The following ATM variants were observed in gnomAD, a reference collection of about 807,000 sequenced individuals.
ATM encodes serine-protein kinase ATM.
Under a neutral mutation model 387.0 loss-of-function variants are expected in ATM, and 308 were observed. The ratio of observed to expected loss-of-function variants is 0.80; its 90% CI spans 0.73 to 0.87. The LOEUF is 0.87. Ranked by LOEUF, ATM falls within the 40% of genes least tolerant of loss-of-function variation. The pLI is 0.00. For missense variants in ATM, 3,312 were observed against 3,560.9 expected (o/e 0.93, Z 1.78); for synonymous variants, 1,156 against 1,187.3 (o/e 0.97, Z 0.54).
rs1060501631 is a variant in ATM, at chr11:108,317,366, T to A, written c.6199-7T>A. On this transcript the variant is annotated splice_region_variant and splice_polypyrimidine_tract_variant and intron_variant, in intron 42 of 62. Coordinates refer to ENST00000675843, the MANE Select transcript of ATM (RefSeq NM_000051.4). ...CTTAACTTAAAAACAAAATAACTCC[T>A]GTTTAGGCCTTGCAGAATTTGGGAC... The A allele has an allele frequency of 1.2e-6, 2 of 1,610,066 alleles. No homozygotes were observed. Among genetic ancestry groups the A allele is most frequent in the Non-Finnish European group, 8.5e-7 (1 of 1,177,492 alleles).
In ATM at chr11:108,365,577, G is replaced by T. The variant is rs575824754; in HGVS notation, c.*69G>T. 6.6e-7 allele frequency: 1 copy of T among 1,522,912 alleles called. No individual in the cohort carries two copies. The highest frequency in any genetic ancestry group is 1.2e-5 in the South Asian group (1 of 84,256). 94.3% of individuals were successfully genotyped at this position (1,522,912 alleles called of 1,614,324 possible). Reference sequence around the variant, plus strand: ...ATATTTTAGCCTTTATTTTTAACCTGCCAACATACTTTAAGTAGGGATTAA... The same window carrying T: ...ATATTTTAGCCTTTATTTTTAACCTTCCAACATACTTTAAGTAGGGATTAA... On this transcript the variant is annotated 3_prime_UTR_variant, in exon 63 of 63. Coordinates refer to ENST00000675843, the MANE Select transcript of ATM (RefSeq NM_000051.4).
chr11:108,288,086 T>C (rs191075174), intron 27 of ATM, among the ~76,000 whole-genome samples: 10 of 152,240 alleles, frequency 6.6e-5, no homozygotes, highest in Middle Eastern at 3.4e-3. Flanking sequence ...CTTTTTTTTT[T>C]TGAGATGGAG....
chr11:108,336,968 T>C (rs1468588370), intron 56 of ATM, among the ~76,000 whole-genome samples: 1 of 152,246 alleles, frequency 6.6e-6, no homozygotes, highest in East Asian at 1.9e-4. Context: ...TCTCCTTCTA[T>C]AAATGTTGTA....
In ATM at chr11:108,333,979, A is replaced by G. The variant is rs760588708; in HGVS notation, c.8010+11A>G. 6.3e-7 allele frequency: 1 copy of G among 1,583,666 alleles called. No individual in the cohort carries two copies. Among genetic ancestry groups the G allele is most frequent in the Non-Finnish European group, 8.7e-7 (1 of 1,153,274 alleles). On this transcript the variant is annotated intron_variant, in intron 54 of 62. Coordinates refer to ENST00000675843, the MANE Select transcript of ATM (RefSeq NM_000051.4). ...ACTATGGAAATTAAGGTAATTTGCA[A>G]TTAACTCTTGATTTTTTTTAAACTA...
At chr11:108,327,091 G>C (rs1167664211) in intron 47 of ATM, among the ~76,000 whole-genome samples, 1 of 152,108 alleles carries the variant, frequency 6.6e-6, no homozygotes, top group Non-Finnish European at 1.5e-5. Flanking sequence ...TCCTCTGAAA[G>C]TGCTGGGATT....
At chr11:108,269,279 T>A (rs1321365684) in intron 18 of ATM, among the ~76,000 whole-genome samples, 1 of 152,108 alleles carries the variant, frequency 6.6e-6, no homozygotes, top group Non-Finnish European at 1.5e-5. Context: ...TTCTTTTTTT[T>A]ATTTATCATG....
At chr11:108,241,310 A>G (rs929137978) in intron 5 of ATM, among the ~76,000 whole-genome samples, 1 of 152,228 alleles carries the variant, frequency 6.6e-6, no homozygotes, top group Admixed American at 6.5e-5. Flanking sequence ...AAGGAGGAAT[A>G]TAGTATAAAA....
chr11:108,280,724 T>C (rs2082185770), intron 23 of ATM, among the ~76,000 whole-genome samples: 1 of 152,218 alleles, frequency 6.6e-6, no homozygotes, highest in African/African-American at 2.4e-5. Flanking sequence ...TTAGCCAGAA[T>C]GTTATAGATC....
At chr11:108,335,810 C>G (rs2136688657) in intron 55 of ATM, 35 bp from the exon 56 acceptor site, 1 of 1,536,328 alleles carries the variant, frequency 6.5e-7, no homozygotes, top group Non-Finnish European at 9.0e-7. Context: ...ATAAAATAAA[C>G]TGTACTTGTT....
At chr11:108,332,325 G>A (rs535949497) in intron 52 of ATM, among the ~76,000 whole-genome samples, 31 of 152,132 alleles carry the variant, frequency 2.0e-4, no homozygotes, top group African/African-American at 6.7e-4. Context: ...CCAGCTACTC[G>A]GGAGGCTGAG....
intron 43 of ATM, among the ~76,000 whole-genome samples, chr11:108,318,646 A>C (rs1366782535): frequency 6.6e-6 from 1 of 151,900 alleles, no homozygotes; most frequent in African/African-American, 2.4e-5. Flanking sequence ...CCAAGATTGC[A>C]CCACTGCACC....
intron 56 of ATM, chr11:108,336,191 G>A (rs2086834498): frequency 2.3e-6 from 1 of 433,538 alleles, no homozygotes; most frequent in Non-Finnish European, 4.2e-6. Context: ...TAGTCCCTTA[G>A]CTACATGGGA....
At chr11:108,258,852 T>C in intron 15 of ATM, 134 bp from the exon 16 acceptor site, 1 of 692,626 alleles carries the variant, frequency 1.4e-6, no homozygotes, top group Non-Finnish European at 2.5e-6. Flanking sequence ...GATGTGTTTT[T>C]GAAGCAGCAT....
rs876660725 is a variant in ATM, at chr11:108,227,859, A to C, written c.156A>C (p.Gly52=). 6.2e-7 allele frequency: 1 copy of C among 1,613,184 alleles called. No homozygotes were observed. The highest frequency in any genetic ancestry group is 8.5e-7 in the Non-Finnish European group (1 of 1,179,742). The change falls in exon 3 of 63, where the codon GGA becomes GGC. Residue 52 remains glycine (G), a synonymous_variant. Transcript: ENST00000675843. ...HLDRHSDSKQ[G]KYLNWDAVFR... is the part of the protein sequence containing the mutation. ...ATCGGCATTCAGATTCCAAACAAGG[A>C]AAATATTTGAATTGGGATGCTGTTT...
chr11:108,259,146 T>C, intron 16 of ATM, 71 bp downstream of exon 16: 1 of 1,266,382 alleles, frequency 7.9e-7, no homozygotes, highest in South Asian at 1.2e-5. Context: ...GAAATATCTT[T>C]GTAAATAAGG....
rs1555083482 is a variant in ATM at position 108,268,619 on chromosome 11, G to A, written c.2838+10G>A. The stretch of plus-strand genomic sequence containing the variant: ...CCTCCACCTGCATATGGTGAGTTAC[G>A]TTAAATGAAGAAGCTCTTGGATTTT... On this transcript the variant is annotated intron_variant, in intron 18 of 62. Transcript: ENST00000675843. 21 of 1,612,702 alleles carry A rather than the reference G, an allele frequency of 1.3e-5. No individual in the cohort carries two copies. Among genetic ancestry groups the A allele is most frequent in the Non-Finnish European group, 1.7e-5 (20 of 1,179,132 alleles).
chr11:108,244,188 T>A (rs899638388), intron 6 of ATM, 70 bp downstream of exon 6: 2 of 1,546,938 alleles, frequency 1.3e-6, no homozygotes, highest in Non-Finnish European at 1.8e-6. Flanking sequence ...TGTTTTAGAC[T>A]CAGTAACTAA....
chr11:108,330,539 C>A, intron 50 of ATM, 118 bp downstream of exon 50: 1 of 991,670 alleles, frequency 1.0e-6, no homozygotes, highest in Non-Finnish European at 1.6e-6. Context: ...CAGTGCTCTA[C>A]ACATAAGTAG....
intron 1 of ATM, chr11:108,224,463 G>A (rs1227459062): frequency 1.3e-5 from 2 of 152,166 alleles, no homozygotes; most frequent in African/African-American, 2.4e-5. Context: ...AACCTTGAGT[G>A]GAACCTAGAT....
Sources: allele counts gnomAD v4.1 joint callset (sites outside exome capture counted in the v4.1 genomes callset), GRCh38; gene constraint gnomAD v4.1.1; transcripts MANE v1.5; gene names NCBI Gene and HGNC (gene_info 2026-07-23, HGNC 2026-07-21).